The following ZNF280C variants were observed in gnomAD, a reference collection of about 807,000 sequenced individuals.
The protein encoded by ZNF280C is suppressor of hairy wing homolog 3.
Under a neutral mutation model 53.6 loss-of-function variants are expected in ZNF280C, and 14 were observed. The ratio of observed to expected loss-of-function variants is 0.26; its 90% CI spans 0.17 to 0.41. The LOEUF is 0.41. ZNF280C is among the 10% of genes least tolerant of loss of function. The pLI, the probability that ZNF280C is intolerant of heterozygous loss-of-function variation, is 1.00. For missense variants in ZNF280C, 416 were observed against 547.1 expected, an observed-to-expected ratio of 0.76 and a Z score of 2.39; for synonymous variants, 203 against 181.1, an observed-to-expected ratio of 1.12 and a Z score of -0.97.
chrX:130,215,462 C>A, intron 14 of ZNF280C, 129 bp from the exon 15 acceptor site: 1 of 678,600 alleles, frequency 1.5e-6, no homozygotes, highest in African/African-American at 2.3e-5. Context: ...CTCATAATTT[C>A]AAAATTTGCT....
chrX:130,228,081 A>T (rs769140155), intron 10 of ZNF280C, among the ~76,000 whole-genome samples: 103 of 111,799 alleles, frequency 9.2e-4, no homozygotes, highest in Admixed American at 9.0e-3. Context: ...GCAAAGTTGG[A>T]ATCTGAACCA....
At chrX:130,210,793 T>G (rs928764695) in intron 15 of ZNF280C, among the ~76,000 whole-genome samples, 1 of 112,532 alleles carries the variant, frequency 8.9e-6, no homozygotes, top group Non-Finnish European at 1.9e-5. Context: ...AGCCTTCCTG[T>G]GTTAGACAAC....
chrX:130,222,276 C>CCACACACACACA (rs59694150), intron 12 of ZNF280C, among the ~76,000 whole-genome samples: 1,194 of 69,900 alleles, frequency 0.017, 19 homozygotes, highest in Non-Finnish European at 0.02. Flanking sequence ...CATTCAGACA[C>CCACACACACACA]CACACACACA....
chrX:130,209,331 ATACTTTAATTC>A (rs1263984660), intron 16 of ZNF280C, among the ~76,000 whole-genome samples: 1 of 112,643 alleles, frequency 8.9e-6, no homozygotes, highest in Admixed American at 9.4e-5. Context: ...AACAACTTAT[ATACTTTAATTC>A]TAAAAACATT....
chrX:130,236,422 T>A, intron 7 of ZNF280C, 47 bp downstream of exon 7: 3 of 1,130,270 alleles, frequency 2.7e-6, no homozygotes, highest in Non-Finnish European at 3.5e-6. Flanking sequence ...CTAAAACGTA[T>A]ATAAAAATAA....
intron 16 of ZNF280C, among the ~76,000 whole-genome samples, chrX:130,205,688 G>C (rs2031965501): frequency 9.1e-6 from 1 of 109,816 alleles, no homozygotes; most frequent in African/African-American, 3.3e-5. Context: ...AGACCAGCCT[G>C]ACCAATATGG....
chrX:130,237,143 G>A (rs1367243315), intron 6 of ZNF280C, among the ~76,000 whole-genome samples: 1 of 111,693 alleles, frequency 9.0e-6, no homozygotes, highest in Non-Finnish European at 1.9e-5. Flanking sequence ...CTTAAGATGT[G>A]TAATGGAAAA....
rs758515185 is a variant in ZNF280C at position 130,233,331 on chromosome X, A to T, written c.772-2604T>A. Among the ~76,000 whole-genome samples, 3 of 111,876 alleles carry T rather than the reference A, an allele frequency of 2.7e-5. No individual in the cohort carries two copies. The East Asian group carries it at 8.4e-4, about 31-fold the overall frequency. On this transcript the variant is annotated intron_variant, in intron 8 of 18. Coordinates refer to ENST00000370978, the MANE Select transcript of ZNF280C (RefSeq NM_017666.5). ...AATACTGTATTACATACTTAAAAAA[A>T]TTTGGCCAGGTGCAGTGGCTCACGC... is the stretch of plus-strand genomic sequence containing the variant.
chrX:130,247,022 G>A lies in ZNF280C; in HGVS notation c.32-17C>T, dbSNP rs374086153. 8.4e-7 allele frequency: 1 copy of A among 1,189,186 alleles called. No individual in the cohort carries two copies. The highest frequency in any genetic ancestry group is 1.8e-5 in the African/African-American group (1 of 56,610). On this transcript the variant is annotated splice_polypyrimidine_tract_variant and intron_variant, in intron 2 of 18. Transcript: ENST00000370978. Reference sequence around the variant, plus strand: ...TTGAAATGTCTAATTTTCAAGAGAAGAGAAGCTAACTTTATTTTCAAAGAG... The same window carrying A: ...TTGAAATGTCTAATTTTCAAGAGAAAAGAAGCTAACTTTATTTTCAAAGAG...
At chrX:130,237,565 G>A (rs755609974) in intron 6 of ZNF280C, among the ~76,000 whole-genome samples, 3 of 111,323 alleles carry the variant, frequency 2.7e-5, no homozygotes, top group East Asian at 2.8e-4. Flanking sequence ...AATAATATAC[G>A]ATTGTACTTT....
At chrX:130,218,153 C>A in intron 13 of ZNF280C, among the ~76,000 whole-genome samples, 1 of 111,563 alleles carries the variant, frequency 9.0e-6, no homozygotes, top group Middle Eastern at 4.6e-3. Flanking sequence ...CAGAGTGAGA[C>A]CCCCGTCTCA....
chrX:130,256,062 G>A (rs1341516364), intron 2 of ZNF280C, among the ~76,000 whole-genome samples: 3 of 111,492 alleles, frequency 2.7e-5, no homozygotes, highest in Admixed American at 9.5e-5. Flanking sequence ...AGCTCCAGGA[G>A]GTGGGGCTGC....
intron 13 of ZNF280C, among the ~76,000 whole-genome samples, chrX:130,219,435 T>C (rs1397422796): frequency 1.1e-5 from 1 of 91,133 alleles, no homozygotes; most frequent in Non-Finnish European, 2.0e-5. Flanking sequence ...TGCAGTAAGC[T>C]GAGATCGCGC....
At chrX:130,217,303 T>C (rs1350570614) in intron 13 of ZNF280C, among the ~76,000 whole-genome samples, 2 of 111,991 alleles carry the variant, frequency 1.8e-5, no homozygotes, top group African/African-American at 3.2e-5. Context: ...ACAATATCAA[T>C]GAACCTACAA....
intron 8 of ZNF280C, among the ~76,000 whole-genome samples, chrX:130,234,835 T>C (rs2032314907): frequency 8.9e-6 from 1 of 111,932 alleles, no homozygotes; most frequent in South Asian, 3.7e-4. Context: ...TAAAACCTAA[T>C]TTCAAAGAGC....
intron 13 of ZNF280C, among the ~76,000 whole-genome samples, chrX:130,219,741 T>C (rs1925463): frequency 0.48 from 51,510 of 108,161 alleles, 9,596 homozygotes; most frequent in African/African-American, 0.66. Flanking sequence ...TTAAATATCT[T>C]ATAGTCTAGC....
chrX:130,234,052 C>G (rs1171083127), intron 8 of ZNF280C, among the ~76,000 whole-genome samples: 1 of 110,915 alleles, frequency 9.0e-6, no homozygotes, highest in Non-Finnish European at 1.9e-5. Flanking sequence ...ACCTATCAGA[C>G]CAGTTAAATT....
At chrX:130,260,592 G>C in intron 1 of ZNF280C, 127 bp from the exon 2 acceptor site, 1 of 378,878 alleles carries the variant, frequency 2.6e-6, no homozygotes, top group Non-Finnish European at 4.5e-6. Context: ...CTCACCATAT[G>C]ACTCCAGACA....
chrX:130,242,148 T>C (rs902760344), intron 5 of ZNF280C, among the ~76,000 whole-genome samples: 1 of 109,700 alleles, frequency 9.1e-6, no homozygotes. Flanking sequence ...GAGGCTGAGG[T>C]AGGAGAATCT....
Sources: gnomAD v4.1 joint callset for allele counts (sites outside exome capture counted in the v4.1 genomes callset) on GRCh38, gnomAD v4.1.1 for gene constraint, MANE v1.5 for transcripts, NCBI Gene and HGNC (gene_info 2026-07-23, HGNC 2026-07-21) for gene names.